SNAI3: variants seen among roughly 807,000 people sequenced by gnomAD.
SNAI3 encodes zinc finger protein SNAI3.
SNAI3 carries 21 observed loss-of-function variants against 16.4 expected under a neutral mutation model. That is an observed-to-expected ratio of 1.28 (90% CI 0.91 to 1.85). The LOEUF (loss-of-function observed/expected upper bound fraction) is 1.85, where lower values mean the gene tolerates loss of function less well. Ranked by LOEUF, SNAI3 falls within the 40% of genes most tolerant of loss-of-function variation. The pLI is 0.00. For missense variants in SNAI3, 457 were observed against 372.8 expected, an observed-to-expected ratio of 1.23 and a Z score of -1.86; for synonymous variants, 202 against 166.6, an observed-to-expected ratio of 1.21 and a Z score of -1.64.
intron 2 of SNAI3, chr16:88,678,868 C>A: frequency 6.1e-6 from 6 of 985,444 alleles, no homozygotes; most frequent in Non-Finnish European, 7.2e-6. Context: ...CCTCCCGGGG[C>A]CCTTGGCCAC....
At chr16:88,684,563 G>A (rs754397518) in intron 1 of SNAI3, among the ~76,000 whole-genome samples, 4 of 152,112 alleles carry the variant, frequency 2.6e-5, no homozygotes, top group East Asian at 3.9e-4. Flanking sequence ...GGGCGCGATC[G>A]TGGCTCACTG....
Position 88,681,723 on chromosome 16 carries a change from G to A in SNAI3, c.77-9C>T. 1 of 1,431,010 alleles carries A rather than the reference G, an allele frequency of 7.0e-7. No homozygotes were observed. The highest frequency in any genetic ancestry group is 9.2e-7 in the Non-Finnish European group (1 of 1,087,666). 88.6% of individuals were successfully genotyped at this position (1,431,010 alleles called of 1,614,324 possible). ...GCAGGCACCATTGATTTCTAGAGGG[G>A]TGGAGGGGAGAGAATAGAAAGATGA... On this transcript the variant is annotated splice_polypyrimidine_tract_variant and intron_variant, in intron 1 of 2. Transcript: ENST00000332281. This position sits in a 1 kb window ranked among gnomAD's most constrained non-coding sequence, Gnocchi z 5.4.
chr16:88,685,310 C>A (rs550652368), intron 1 of SNAI3: 9 of 152,366 alleles, frequency 5.9e-5, no homozygotes, highest in Admixed American at 2.6e-4. Flanking sequence ...CTAGCTGGCA[C>A]CCCCTGGTGG....
chr16:88,685,695 C>T (rs1909334958), intron 1 of SNAI3: 1 of 152,574 alleles, frequency 6.6e-6, no homozygotes, highest in Non-Finnish European at 1.5e-5. Flanking sequence ...AGGATTGCAG[C>T]CCTTTAGCCC....
rs1355561510 is a variant in SNAI3, at chr16:88,686,368, G to A, written c.39C>T (p.His13=). ...CCAGCCGCCGGTAGTTGGGGACCCT[G>A]TGGCTGGAGTGCGTTTTCACCAGGA... is the stretch of plus-strand genomic sequence containing the variant. The part of the protein sequence containing the change: ...RSFLVKTHSS[H]RVPNYRRLET... Residue 13 remains histidine (H), a synonymous_variant, in exon 1 of 3, where the codon CAC becomes CAT. Coordinates refer to ENST00000332281, the MANE Select transcript of SNAI3 (RefSeq NM_178310.4). 2 of 1,612,272 alleles carry A rather than the reference G, an allele frequency of 1.2e-6. No individual in the cohort carries two copies. The highest frequency in any genetic ancestry group is 1.7e-6 in the Non-Finnish European group (2 of 1,179,690).
Position 88,681,224 on chromosome 16 carries a change from G to A in SNAI3, c.567C>T (p.Asp189=), listed in dbSNP as rs368227192. 9.9e-6 allele frequency: 16 copies of A among 1,613,816 alleles called. No homozygotes were observed. Among genetic ancestry groups the A allele is most frequent in the Non-Finnish European group, 1.4e-5 (16 of 1,180,004 alleles). ...VGRVFTCKYC[D]KEYTSLGALK... is the part of the protein sequence containing the mutation. ...GGGCACCCAGGCTGGTGTACTCCTT[G>A]TCGCAGTACTTGCAGGTGAAGACAC... is the stretch of plus-strand genomic sequence containing the variant. The change falls in exon 2 of 3, where the codon GAC becomes GAT. Residue 189 remains aspartate (D), a synonymous_variant. Transcript: ENST00000332281. The surrounding 1 kb of genome is among the most constrained non-coding windows in gnomAD (Gnocchi z 5.4).
chr16:88,686,268 T>TCC (rs1909355832), intron 1 of SNAI3, 63 bp downstream of exon 1: 1 of 1,565,782 alleles, frequency 6.4e-7, no homozygotes, highest in African/African-American at 1.4e-5. Context: ...CAGGGGCCTC[T>TCC]CTCTCTCTCC....
At chr16:88,680,814 C>G (rs1251222199) in intron 2 of SNAI3, among the ~76,000 whole-genome samples, 1 of 152,022 alleles carries the variant, frequency 6.6e-6, no homozygotes, top group Non-Finnish European at 1.5e-5. Flanking sequence ...CAGGCTGGTC[C>G]TGAACCCCTG....
chr16:88,683,851 C>T (rs971122576), intron 1 of SNAI3, among the ~76,000 whole-genome samples: 10 of 151,870 alleles, frequency 6.6e-5, no homozygotes, highest in South Asian at 2.1e-4. Context: ...CCACTGCGCC[C>T]GGCCTGGGCA....
chr16:88,680,564 C>T (rs1386690654), intron 2 of SNAI3, among the ~76,000 whole-genome samples: 2 of 151,844 alleles, frequency 1.3e-5, no homozygotes, highest in African/African-American at 4.8e-5. Context: ...GGATTATAGG[C>T]GTGAGCCTCC....
At chr16:88,683,327 C>T (rs1287222009) in intron 1 of SNAI3, among the ~76,000 whole-genome samples, 4 of 151,476 alleles carry the variant, frequency 2.6e-5, no homozygotes, top group Non-Finnish European at 5.9e-5. Flanking sequence ...ACGATCTGGG[C>T]TCATTGCAAC....
chr16:88,686,245 C>G, intron 1 of SNAI3, 86 bp downstream of exon 1: 1 of 1,496,966 alleles, frequency 6.7e-7, no homozygotes, highest in South Asian at 1.2e-5. Flanking sequence ...GGTGTCTCCC[C>G]AGCCCCCGCT....
chr16:88,683,319 G>T (rs1336734416), intron 1 of SNAI3, among the ~76,000 whole-genome samples: 1 of 150,218 alleles, frequency 6.7e-6, no homozygotes, highest in African/African-American at 2.5e-5. Context: ...GCGATGGCAC[G>T]ATCTGGGCTC....
At chr16:88,682,659 A>G (rs987444162) in intron 1 of SNAI3, among the ~76,000 whole-genome samples, 3 of 152,126 alleles carry the variant, frequency 2.0e-5, no homozygotes, top group Non-Finnish European at 4.4e-5. Context: ...TTTGCAAATC[A>G]GACTTCTGAT....
rs1398855399 is a variant in SNAI3, at chr16:88,681,183, C to G, written c.608G>C (p.Arg203Pro). 6.2e-7 allele frequency: 1 copy of G among 1,613,662 alleles called. No homozygotes were observed. Among genetic ancestry groups the G allele is most frequent in the African/African-American group, 1.3e-5 (1 of 74,896 alleles). The change falls in exon 2 of 3, where the codon CGC becomes CCC. Residue 203 changes from arginine to proline, a missense_variant. Coordinates refer to ENST00000332281, the MANE Select transcript of SNAI3 (RefSeq NM_178310.4). This position sits in a 1 kb window ranked among gnomAD's most constrained non-coding sequence, Gnocchi z 5.4. ...GCAGGTGCAGGGCAGCGTGTGAGTGCGGATGTGCATCTTGAGGGCACCCAG... is the reference window on the plus strand; with the variant it reads ...GCAGGTGCAGGGCAGCGTGTGAGTGGGGATGTGCATCTTGAGGGCACCCAG... ...TSLGALKMHI[R>P]THTLPCTCKI...
At chr16:88,679,223 C>A (rs1311030792) in intron 2 of SNAI3, 2 of 533,256 alleles carry the variant, frequency 3.8e-6, no homozygotes, top group Admixed American at 1.3e-4. Context: ...CCTGGCCAGG[C>A]CAGCCTCCCG....
In SNAI3 at chr16:88,681,850, G is replaced by C. The variant is rs548392100; in HGVS notation, c.77-136C>G. ...GGGAGGTGTAGCCGGGAACCTGCAT[G>C]CAGACCCAGCTTGCAAGGGAGCTGG... is the stretch of plus-strand genomic sequence containing the variant. On this transcript the variant is annotated intron_variant, in intron 1 of 2. Transcript: ENST00000332281. The surrounding 1 kb of genome is among the most constrained non-coding windows in gnomAD (Gnocchi z 5.4). The C allele has an allele frequency of 1.5e-4, 149 of 1,024,476 alleles. No homozygotes were observed. Among genetic ancestry groups the C allele is most frequent in the Non-Finnish European group, 1.8e-4 (142 of 785,826 alleles). The allele number at this position is 1,024,476 out of a possible 1,614,324, so 63.5% of individuals were successfully genotyped here. A position where few individuals can be genotyped will look rare whatever the true frequency, so the allele number is the denominator to read the frequency against.
chr16:88,682,560 T>A (rs1166517533), intron 1 of SNAI3, among the ~76,000 whole-genome samples: 1 of 152,184 alleles, frequency 6.6e-6, no homozygotes, highest in Non-Finnish European at 1.5e-5. Context: ...TCTTACTCTA[T>A]ATGTGTTAAA....
chr16:88,680,920 C>G (rs1188348768), intron 2 of SNAI3, among the ~76,000 whole-genome samples, 174 bp downstream of exon 2: 1 of 152,208 alleles, frequency 6.6e-6, no homozygotes, highest in African/African-American at 2.4e-5. Context: ...TTTTGGACTT[C>G]TGGCCTCTAG....
Sources: allele counts gnomAD v4.1 joint callset (sites outside exome capture counted in the v4.1 genomes callset), GRCh38; gene constraint gnomAD v4.1.1; non-coding constraint Gnocchi (gnomAD v3.1); transcripts MANE v1.5; gene names NCBI Gene and HGNC (gene_info 2026-07-23, HGNC 2026-07-21).